PCDHGB5: variants seen among roughly 807,000 people sequenced by gnomAD.
PCDHGB5 encodes protocadherin gamma-B5.
A neutral mutation model predicts 62.9 loss-of-function variants in PCDHGB5; 48 were observed. The observed-to-expected ratio is 0.76, with a 90% CI of 0.61 to 0.97. The LOEUF is 0.97. Among genes scored for constraint, PCDHGB5 ranks in the 50% least tolerant of loss-of-function variants. PCDHGB5 has a pLI of 0.00. For missense variants in PCDHGB5, 1,118 were observed against 1,198.6 expected, an observed-to-expected ratio of 0.93 and a Z score of 0.99; for synonymous variants, 474 against 511.2, an observed-to-expected ratio of 0.93 and a Z score of 0.98.
intron 1 of PCDHGB5, chr5:141,427,752 G>A (rs1171502843): frequency 4.5e-6 from 6 of 1,319,552 alleles, no homozygotes; most frequent in South Asian, 1.2e-5. Context: ...CTACTCCATC[G>A]TTACCACTGA....
At chr5:141,461,302 T>A (rs1009664719) in intron 1 of PCDHGB5, among the ~76,000 whole-genome samples, 3 of 152,142 alleles carry the variant, frequency 2.0e-5, no homozygotes. Flanking sequence ...CAACATCTAT[T>A]GTTTTTTGAC....
At chr5:141,426,680 T>TC in intron 1 of PCDHGB5, 1 of 431,452 alleles carries the variant, frequency 2.3e-6, no homozygotes, top group South Asian at 1.6e-5. Context: ...CACCTCATTT[T>TC]CCCCAAAATA....
At position 141,477,505 on chromosome 5, in the gene PCDHGB5, C is replaced by T. The variant is rs2099412175; in HGVS notation, c.2398-17302C>T. The T allele has an allele frequency of 5.0e-6, 8 of 1,614,126 alleles. No individual in the cohort carries two copies. Among genetic ancestry groups the T allele is most frequent in the Admixed American group, 1.7e-5 (1 of 60,024 alleles). On this transcript the variant is annotated intron_variant, in intron 1 of 3. Transcript: ENST00000617380. This position sits in a 1 kb window ranked among gnomAD's most constrained non-coding sequence, Gnocchi z 4.9. ...CACAATCTTCTCAATCTTCCTACGACGTTTACATTGAAGAAAACAACCTCC... is the reference window on the plus strand; with the variant it reads ...CACAATCTTCTCAATCTTCCTACGATGTTTACATTGAAGAAAACAACCTCC...
chr5:141,473,033 GGAAA>G (rs1282468299), intron 1 of PCDHGB5, among the ~76,000 whole-genome samples: 6 of 146,356 alleles, frequency 4.1e-5, no homozygotes, highest in South Asian at 2.2e-4. Flanking sequence ...AAGGAAGGAA[GGAAA>G]GAAAGAAAGA....
intron 1 of PCDHGB5, chr5:141,478,355 G>A: frequency 6.2e-7 from 1 of 1,613,742 alleles, no homozygotes; most frequent in Non-Finnish European, 8.5e-7. Context: ...CGCGGACGCC[G>A]TGCGGGGAGG....
chr5:141,510,272 TAAAA>T (rs546154379), intron 3 of PCDHGB5, among the ~76,000 whole-genome samples: 1 of 130,390 alleles, frequency 7.7e-6, no homozygotes, highest in East Asian at 2.2e-4. Context: ...GACTCCATCT[TAAAA>T]AAAAAAAAAA....
At position 141,489,545 on chromosome 5, in the gene PCDHGB5, G is replaced by A. The variant is rs1396651116; in HGVS notation, c.2398-5262G>A. On this transcript the variant is annotated intron_variant, in intron 1 of 3. Transcript: ENST00000617380. The surrounding 1 kb of genome is among the most constrained non-coding windows in gnomAD (Gnocchi z 4.5). ...AGCCTATGTGGAGCCAGCACCAGCT[G>A]CCTGCTGCCAGTGCAGGTGGTGACT... 3 of 1,613,984 alleles carry A rather than the reference G, an allele frequency of 1.9e-6. No individual in the cohort carries two copies. The highest frequency in any genetic ancestry group is 2.5e-6 in the Non-Finnish European group (3 of 1,180,022).
chr5:141,403,620 C>T (rs1561689160), intron 1 of PCDHGB5: 1 of 1,613,916 alleles, frequency 6.2e-7, no homozygotes, highest in Non-Finnish European at 8.5e-7. Context: ...CCGCGTCGCT[C>T]CAGCACAGTG....
At chr5:141,416,652 A>T (rs1028914487) in intron 1 of PCDHGB5, 1 of 152,240 alleles carries the variant, frequency 6.6e-6, no homozygotes, top group Non-Finnish European at 1.5e-5. Context: ...ACAGCTGTAA[A>T]AAAGAAAAGA....
chr5:141,493,937 A>G lies in PCDHGB5; in HGVS notation c.2398-870A>G, dbSNP rs931274307. Among the ~76,000 whole-genome samples the G allele has an allele frequency of 6.6e-6, 1 of 152,212 alleles. No individual in the cohort carries two copies. The highest frequency in any genetic ancestry group is 1.5e-5 in the Non-Finnish European group (1 of 68,022). ...GGATAACACACCCCCTGGAAAGACCAGAAGGGACTCAGGAATGAAGTGGCT... is the reference window on the plus strand; with the variant it reads ...GGATAACACACCCCCTGGAAAGACCGGAAGGGACTCAGGAATGAAGTGGCT... On this transcript the variant is annotated intron_variant, in intron 1 of 3. Coordinates refer to ENST00000617380, the MANE Select transcript of PCDHGB5 (RefSeq NM_018925.3). This position sits in a 1 kb window ranked among gnomAD's most constrained non-coding sequence, Gnocchi z 4.3.
At chr5:141,458,630 C>T (rs575289408) in intron 1 of PCDHGB5, among the ~76,000 whole-genome samples, 1 of 151,864 alleles carries the variant, frequency 6.6e-6, no homozygotes, top group Admixed American at 6.6e-5. Flanking sequence ...AGTGCAGTGG[C>T]ACAATCCCAG....
rs1219045744 is a variant in PCDHGB5 at position 141,476,783 on chromosome 5, G to T, written c.2398-18024G>T. The stretch of plus-strand genomic sequence containing the variant: ...GACGGCGTTGGACGGAGGGACCCCA[G>T]CTCTCTCCGCCAGCCTGCCTATTCA... On this transcript the variant is annotated intron_variant, in intron 1 of 3. Transcript: ENST00000617380. The surrounding 1 kb of genome is among the most constrained non-coding windows in gnomAD (Gnocchi z 7.6). 5 of 1,613,392 alleles carry T rather than the reference G, an allele frequency of 3.1e-6. No homozygotes were observed. The highest frequency in any genetic ancestry group is 2.7e-5 in the African/African-American group (2 of 74,930).
Position 141,398,985 on chromosome 5 carries a change from A to C in PCDHGB5, c.858A>C (p.Gln286His). Residue 286 changes from glutamine (Q) to histidine (H), a missense_variant, in exon 1 of 4, where the codon CAA becomes CAC. Around this residue, in one of 2 missense-constraint regions of PCDHGB5, gnomAD observed 1,034 missense variants for 1,029.1 expected, o/e 1.00. Transcript: ENST00000617380. ...CTTATTCCTTCTACAGAACCGGGCA[A>C]ATCTTTAGTCTGAATTCAAAGAGCG... Reference protein sequence around the residue: ...EITYSFYRTGQIFSLNSKSGE... With the variant: ...EITYSFYRTGHIFSLNSKSGE... 2 of 1,613,964 alleles carry C rather than the reference A, an allele frequency of 1.2e-6. No individual in the cohort carries two copies. The highest frequency in any genetic ancestry group is 1.7e-6 in the Non-Finnish European group (2 of 1,179,896).
intron 2 of PCDHGB5, among the ~76,000 whole-genome samples, chr5:141,500,508 C>T (rs2099801020): frequency 6.6e-6 from 1 of 152,078 alleles, no homozygotes; most frequent in African/African-American, 2.4e-5. Context: ...CGCGCCTGGC[C>T]GAGCTTCATT....
chr5:141,419,730 G>A (rs747960969), intron 1 of PCDHGB5: 9 of 1,613,746 alleles, frequency 5.6e-6, no homozygotes, highest in Non-Finnish European at 7.6e-6. Context: ...CTGCGAACAG[G>A]CGAGGTGCGC....
intron 1 of PCDHGB5, among the ~76,000 whole-genome samples, chr5:141,446,322 C>A (rs1561922470): frequency 2.0e-5 from 3 of 151,968 alleles, no homozygotes; most frequent in South Asian, 4.1e-4. Flanking sequence ...TGGGTTTCCA[C>A]ATTAAGGAAC....
chr5:141,487,675 A>G lies in PCDHGB5; in HGVS notation c.2398-7132A>G, dbSNP rs752606441. ...GTTATTCTGATCCAGGCATATGGCT[A>G]GGCCATGTCCTAGAGAGTACTGGCC... On this transcript the variant is annotated intron_variant, in intron 1 of 3. Transcript: ENST00000617380. This position sits in a 1 kb window ranked among gnomAD's most constrained non-coding sequence, Gnocchi z 5.0. 22 of 1,611,038 alleles carry G rather than the reference A, an allele frequency of 1.4e-5. No individual in the cohort carries two copies. Among genetic ancestry groups the G allele is most frequent in the Non-Finnish European group, 1.7e-5 (20 of 1,178,458 alleles).
chr5:141,478,323 G>A, intron 1 of PCDHGB5: 2 of 1,613,958 alleles, frequency 1.2e-6, no homozygotes, highest in Non-Finnish European at 8.5e-7. Flanking sequence ...TCACTGTACC[G>A]AACACCAGGG....
intron 1 of PCDHGB5, chr5:141,408,083 C>A: frequency 7.1e-7 from 1 of 1,414,576 alleles, no homozygotes; most frequent in Non-Finnish European, 9.3e-7. Flanking sequence ...CCCAGCACAG[C>A]GGATTGCCAG....
Sources: gnomAD v4.1 joint callset for allele counts (sites outside exome capture counted in the v4.1 genomes callset) on GRCh38, gnomAD v4.1.1 for gene constraint, gnomAD v4.1.1 regional missense constraint, Gnocchi (gnomAD v3.1) non-coding constraint, MANE v1.5 for transcripts, NCBI Gene and HGNC (gene_info 2026-07-23, HGNC 2026-07-21) for gene names.